The following HTR3A variants were observed in gnomAD, a reference collection of about 807,000 sequenced individuals.
The protein encoded by HTR3A is 5-hydroxytryptamine receptor 3A.
In HTR3A, 45 loss-of-function variants were observed where a neutral mutation model predicts 54.8. The ratio of observed to expected loss-of-function variants is 0.82; its 90% CI spans 0.65 to 1.05. The LOEUF (loss-of-function observed/expected upper bound fraction) is 1.05. Ranked by LOEUF, HTR3A falls within the 50% of genes least tolerant of loss-of-function variation. HTR3A has a pLI of 0.00. For missense variants in HTR3A, 657 were observed against 614.0 expected (o/e 1.07, Z -0.74); for synonymous variants, 297 against 256.0 (o/e 1.16, Z -1.53).
At chr11:113,981,348 G>A (rs1239659985) in intron 4 of HTR3A, 36 bp downstream of exon 4, 2 of 1,358,752 alleles carry the variant, frequency 1.5e-6, no homozygotes, top group Admixed American at 3.4e-5. Flanking sequence ...TGGCTGGGTG[G>A]CTTAGGAGCT....
At chr11:113,979,145 A>G (rs532950520) in intron 2 of HTR3A, 88 bp from the exon 3 acceptor site, 1 of 1,017,442 alleles carries the variant, frequency 9.8e-7, no homozygotes, top group South Asian at 1.3e-5. Flanking sequence ...ATAGGGACAC[A>G]AGGAAGCCCC....
chr11:113,979,314 T>C, intron 3 of HTR3A, 37 bp downstream of exon 3: 2 of 1,313,046 alleles, frequency 1.5e-6, no homozygotes, highest in Non-Finnish European at 2.1e-6. Flanking sequence ...CCGTTACCCA[T>C]CCTCCTGGGA....
In HTR3A at chr11:113,975,243, G is replaced by A; in HGVS notation, c.-83G>A. 1 of 1,358,904 alleles carries A rather than the reference G, an allele frequency of 7.4e-7. No homozygotes were observed. Among genetic ancestry groups the A allele is most frequent in the Non-Finnish European group, 1.0e-6 (1 of 962,600 alleles). 84.2% of individuals were successfully genotyped at this position (1,358,904 alleles called of 1,614,324 possible). ...GAGAGGCAGGCTGGCTGGGACATGA[G>A]GTTGGCAGAGGGCAGGCAAGCTGGC... On this transcript the variant is annotated 5_prime_UTR_variant, in exon 1 of 9. Coordinates refer to ENST00000504030, the MANE Select transcript of HTR3A (RefSeq NM_000869.6).
intron 4 of HTR3A, 26 bp from the exon 5 acceptor site, chr11:113,983,094 C>T: frequency 6.2e-7 from 1 of 1,614,134 alleles, no homozygotes; most frequent in Non-Finnish European, 8.5e-7. Context: ...CTTGAGCTCC[C>T]AAACTAACCC....
At chr11:113,980,753 G>A (rs1483391787) in intron 3 of HTR3A, among the ~76,000 whole-genome samples, 1 of 152,212 alleles carries the variant, frequency 6.6e-6, no homozygotes, top group South Asian at 2.1e-4. Flanking sequence ...TTTAAGCAAG[G>A]GAGTGACATG....
intron 3 of HTR3A, among the ~76,000 whole-genome samples, chr11:113,980,432 G>A (rs748035346): frequency 2.6e-5 from 4 of 151,604 alleles, no homozygotes; most frequent in Non-Finnish European, 5.9e-5. Context: ...CAGAGGAGAC[G>A]CATGTCACCC....
rs200513646 is a variant in HTR3A, at chr11:113,975,323, G to T, written c.-3G>T. ...AGGCACTCCTATGCTTGGAAAGCTC[G>T]CTATGCTGCTGTGGGTCCAGCAGGC... On this transcript the variant is annotated 5_prime_UTR_variant, in exon 1 of 9. Transcript: ENST00000504030. 3.5e-5 allele frequency: 57 copies of T among 1,613,350 alleles called. No homozygotes were observed. Among genetic ancestry groups the T allele is most frequent in the Non-Finnish European group, 4.5e-5 (53 of 1,180,010 alleles).
intron 5 of HTR3A, among the ~76,000 whole-genome samples, 169 bp downstream of exon 5, chr11:113,983,458 A>G (rs1431610480): frequency 6.6e-6 from 1 of 152,138 alleles, no homozygotes; most frequent in African/African-American, 2.4e-5. Context: ...TTGCTGCCCC[A>G]ACAGTAAGAG....
rs760212388 is a variant in HTR3A at position 113,983,119 on chromosome 11, G to A, written c.375-1G>A. 3 of 1,614,192 alleles carry A rather than the reference G, an allele frequency of 1.9e-6. No homozygotes were observed. Among genetic ancestry groups the A allele is most frequent in the South Asian group, 2.2e-5 (2 of 91,084 alleles). On this transcript the variant is annotated splice_acceptor_variant, in intron 4 of 8. Coordinates refer to ENST00000504030, the MANE Select transcript of HTR3A (RefSeq NM_000869.6). LOFTEE classifies it high-confidence loss of function. ...CAAACTAACCCCTTTTCCCCCGCCA[G>A]CGTGGATGTGGGGAAGTCTCCAAAT...
intron 2 of HTR3A, among the ~76,000 whole-genome samples, chr11:113,978,857 C>T (rs544576893): frequency 7.9e-5 from 12 of 152,196 alleles, no homozygotes; most frequent in African/African-American, 1.9e-4. Flanking sequence ...GGCATGGTGG[C>T]ACACACCTGT....
chr11:113,975,742 A>G (rs933636829), intron 1 of HTR3A, among the ~76,000 whole-genome samples: 1 of 152,134 alleles, frequency 6.6e-6, no homozygotes, highest in African/African-American at 2.4e-5. Context: ...GGGACCTTAG[A>G]ACTCATTGGG....
At chr11:113,977,690 T>C (rs1185532362) in intron 1 of HTR3A, 81 bp from the exon 2 acceptor site, 2 of 1,558,142 alleles carry the variant, frequency 1.3e-6, no homozygotes, top group Non-Finnish European at 1.7e-6. Context: ...ACGTCTCTTT[T>C]AACAGCTTAC....
intron 5 of HTR3A, 44 bp from the exon 6 acceptor site, chr11:113,985,971 C>T (rs764228918): frequency 1.9e-6 from 3 of 1,610,028 alleles, no homozygotes; most frequent in East Asian, 4.5e-5. Context: ...CCAGCAGGCT[C>T]TGGGTACTAG....
chr11:113,984,703 G>A (rs1361004891), intron 5 of HTR3A, among the ~76,000 whole-genome samples: 1 of 152,172 alleles, frequency 6.6e-6, no homozygotes, highest in African/African-American at 2.4e-5. Flanking sequence ...TGGATCACGA[G>A]GTCATGAGAT....
chr11:113,987,103 T>C, intron 8 of HTR3A, 57 bp downstream of exon 8: 1 of 1,575,750 alleles, frequency 6.3e-7, no homozygotes. Flanking sequence ...TTGGATGTTG[T>C]GGAAAGTCTC....
chr11:113,985,152 C>T (rs1044767450), intron 5 of HTR3A, among the ~76,000 whole-genome samples: 5 of 152,208 alleles, frequency 3.3e-5, no homozygotes, highest in African/African-American at 1.2e-4. Flanking sequence ...AAATCCTTCT[C>T]TACACATTTA....
At chr11:113,975,445 G>A (rs1950340624) in intron 1 of HTR3A, 53 bp downstream of exon 1, 1 of 1,469,576 alleles carries the variant, frequency 6.8e-7, no homozygotes, top group South Asian at 1.1e-5. Context: ...GCTGAGGTGG[G>A]GCAGGGGATG....
rs143041376 is a variant in HTR3A, at chr11:113,983,268, T to C, written c.523T>C (p.Phe175Leu). The change falls in exon 5 of 9, where the codon TTC (phenylalanine) becomes CTC (leucine). Residue 175 changes from phenylalanine to leucine, a missense_variant. Phe to Leu is a conservative substitution (Grantham distance 22, BLOSUM62 0). Transcript: ENST00000504030. ...CGATGTCCAGAACTGCTCGCTGACC[T>C]TCACCAGTTGGCTGCACACCAGTGA... ...PFDVQNCSLT[F>L]TSWLHTIQDI... 1 of 1,614,130 alleles carries C rather than the reference T, an allele frequency of 6.2e-7. No homozygotes were observed. Among genetic ancestry groups the C allele is most frequent in the African/African-American group, 1.3e-5 (1 of 75,056 alleles).
chr11:113,982,204 C>T (rs552502398), intron 4 of HTR3A, among the ~76,000 whole-genome samples: 1 of 152,276 alleles, frequency 6.6e-6, no homozygotes, highest in Admixed American at 6.5e-5. Context: ...TCAGGGCCCA[C>T]CAACTGGGTT....
Sources: gnomAD v4.1 joint callset for allele counts (sites outside exome capture counted in the v4.1 genomes callset) on GRCh38, gnomAD v4.1.1 for gene constraint, MANE v1.5 for transcripts, NCBI Gene and HGNC (gene_info 2026-07-23, HGNC 2026-07-21) for gene names.